CPSF6: variants seen among roughly 807,000 people sequenced by gnomAD.
CPSF6 encodes the protein cleavage and polyadenylation specific factor 6.
CPSF6 carries 10 observed loss-of-function variants against 56.7 expected under a neutral mutation model. That is an observed-to-expected ratio of 0.18 (90% CI 0.11 to 0.30). CPSF6 has a LOEUF of 0.30. Ranked by LOEUF, CPSF6 falls within the 10% of genes least tolerant of loss-of-function variation. CPSF6 has a pLI of 1.00. For synonymous variants in CPSF6, 248 were observed against 244.8 expected (o/e 1.01, Z -0.12); for missense variants, 419 against 722.9 (o/e 0.58, Z 4.82).
chr12:69,239,733 C>T (rs373284924), intron 1 of CPSF6, 27 bp downstream of exon 1: 30 of 1,563,750 alleles, frequency 1.9e-5, no homozygotes, highest in Non-Finnish European at 2.6e-5. Flanking sequence ...GTCCCCGCCG[C>T]CGACGCGGGC....
chr12:69,255,354 A>G (rs1872457416), intron 3 of CPSF6, among the ~76,000 whole-genome samples: 1 of 152,034 alleles, frequency 6.6e-6, no homozygotes. Context: ...TTGTGTACCC[A>G]TTTTGTGTGA....
chr12:69,256,277 A>G (rs1004374453), intron 3 of CPSF6, among the ~76,000 whole-genome samples: 2 of 152,164 alleles, frequency 1.3e-5, no homozygotes, highest in African/African-American at 4.8e-5. Context: ...GGGGTGATGA[A>G]AATGTTTTAA....
At chr12:69,256,659 T>G in intron 3 of CPSF6, 38 bp from the exon 4 acceptor site, 1 of 1,573,024 alleles carries the variant, frequency 6.4e-7, no homozygotes, top group Non-Finnish European at 8.6e-7. Flanking sequence ...TATTGATCTC[T>G]TTTTACTTTG....
At chr12:69,250,759 G>T (rs1442857835) in intron 1 of CPSF6, among the ~76,000 whole-genome samples, 3 of 151,818 alleles carry the variant, frequency 2.0e-5, no homozygotes, top group African/African-American at 7.3e-5. Context: ...CGATTCTCCT[G>T]CCTCAGCCTC....
Position 69,258,752 on chromosome 12 carries a change from A to G in CPSF6, c.857A>G (p.Gln286Arg). 6.2e-7 allele frequency: 1 copy of G among 1,613,906 alleles called. No individual in the cohort carries two copies. Among genetic ancestry groups the G allele is most frequent in the Non-Finnish European group, 8.5e-7 (1 of 1,179,968 alleles). The change falls in exon 6 of 10, where the codon CAG becomes CGG. Residue 286 changes from glutamine (Q) to arginine (R), a missense_variant. By Grantham distance (43) the Gln-to-Arg change is conservative. This residue lies in a region of CPSF6 where 211 missense variants were observed against 296.0 expected (regional missense o/e 0.71). Coordinates refer to ENST00000435070, the MANE Select transcript of CPSF6 (RefSeq NM_007007.3). The surrounding 1 kb of genome is among the most constrained non-coding windows in gnomAD (Gnocchi z 4.2). ...CTTTTTCCTGGACAACCTTTTGGGC[A>G]GCCTCCATTGGGTCCACTTCCTCCT... ...PVLFPGQPFG[Q>R]PPLGPLPPGP... is the part of the protein sequence containing the mutation.
rs577329610 is a variant in CPSF6 at position 69,254,176 on chromosome 12, G to C, written c.374+1022G>C. ...CCTACAGTCTGTACTCCACATAACA[G>C]AAGTTCTAAAAAAAAAATGACATTC... On this transcript the variant is annotated intron_variant, in intron 3 of 9. Coordinates refer to ENST00000435070, the MANE Select transcript of CPSF6 (RefSeq NM_007007.3). 8.1e-3 allele frequency among the ~76,000 whole-genome samples: 899 copies of C among 110,996 alleles called. 2 individuals are homozygous for C. Among genetic ancestry groups the C allele is most frequent in the South Asian group, 0.025 (91 of 3,648 alleles). 72.8% of individuals were successfully genotyped at this position (110,996 alleles called of 152,430 possible). A position where few individuals can be genotyped will look rare whatever the true frequency, so the allele number is the denominator to read the frequency against.
chr12:69,243,754 A>G (rs963850502), intron 1 of CPSF6, among the ~76,000 whole-genome samples: 1 of 152,144 alleles, frequency 6.6e-6, no homozygotes, highest in Non-Finnish European at 1.5e-5. Context: ...ATGCTGCTGT[A>G]GACTTCATAA....
At position 69,251,441 on chromosome 12, in the gene CPSF6, G is replaced by T. The variant is rs573808651; in HGVS notation, c.270+103G>T. 5.0e-4 allele frequency: 385 copies of T among 766,384 alleles called. 2 individuals are homozygous for T. Among genetic ancestry groups the T allele is most frequent in the South Asian group, 3.8e-3 (182 of 48,384 alleles). The allele number at this position is 766,384 out of a possible 1,614,324, so 47.5% of individuals were successfully genotyped here. A position where few individuals can be genotyped will look rare whatever the true frequency, so the allele number is the denominator to read the frequency against. ...ATTTTTATAAGTTTGAAGTTACTGTGTTTTTCTATATGTGTTTGCTTGTCC... is the reference window on the plus strand; with the variant it reads ...ATTTTTATAAGTTTGAAGTTACTGTTTTTTTCTATATGTGTTTGCTTGTCC... On this transcript the variant is annotated intron_variant, in intron 2 of 9. Transcript: ENST00000435070.
intron 8 of CPSF6, among the ~76,000 whole-genome samples, chr12:69,261,775 A>G (rs1327510669): frequency 6.6e-6 from 1 of 152,212 alleles, no homozygotes; most frequent in Non-Finnish European, 1.5e-5. Flanking sequence ...AAAAAATCGC[A>G]GTTCATGAAA....
At chr12:69,262,837 A>G (rs1268925523) in intron 9 of CPSF6, among the ~76,000 whole-genome samples, 1 of 152,232 alleles carries the variant, frequency 6.6e-6, no homozygotes, top group East Asian at 1.9e-4. Context: ...AAGAGGACTC[A>G]TTGTGTACTT....
At position 69,248,282 on chromosome 12, in the gene CPSF6, A is replaced by G. The variant is rs1037965291; in HGVS notation, c.61-2847A>G. Reference sequence around the variant, plus strand: ...TTTATGTAAGTGAAAGTGTAAATTTAAAAATACATTTAGTCCTGCTGTTAA... The same window carrying G: ...TTTATGTAAGTGAAAGTGTAAATTTGAAAATACATTTAGTCCTGCTGTTAA... On this transcript the variant is annotated intron_variant, in intron 1 of 9. Transcript: ENST00000435070. 2.0e-5 allele frequency among the ~76,000 whole-genome samples: 3 copies of G among 152,222 alleles called. No individual in the cohort carries two copies. In the South Asian group the frequency reaches 6.2e-4, roughly 31 times the overall value.
intron 1 of CPSF6, among the ~76,000 whole-genome samples, chr12:69,250,439 T>C (rs1401661486): frequency 6.6e-6 from 1 of 151,626 alleles, no homozygotes; most frequent in African/African-American, 2.4e-5. Flanking sequence ...TTATAATAAA[T>C]ATCAGTGGAA....
At chr12:69,243,667 G>A (rs955390275) in intron 1 of CPSF6, among the ~76,000 whole-genome samples, 2 of 152,144 alleles carry the variant, frequency 1.3e-5, no homozygotes, top group African/African-American at 4.8e-5. Context: ...GGGCACTCAT[G>A]AAAGGAACCT....
At position 69,259,061 on chromosome 12, in the gene CPSF6, C is replaced by G; in HGVS notation, c.1166C>G (p.Pro389Arg). 6.2e-7 allele frequency: 1 copy of G among 1,603,360 alleles called. No individual in the cohort carries two copies. The highest frequency in any genetic ancestry group is 8.5e-7 in the Non-Finnish European group (1 of 1,179,886). Residue 389 changes from proline to arginine, a missense_variant, in exon 6 of 10, where the codon CCA becomes CGA. Pro to Arg is a moderately radical substitution (Grantham distance 103). Transcript: ENST00000435070. Reference sequence around the variant, plus strand: ...ACAGATCCATATGGGCGACCTCCACCATATGATAGGGGTGACTATGGCCCC... The same window carrying G: ...ACAGATCCATATGGGCGACCTCCACGATATGATAGGGGTGACTATGGCCCC... ...PPTDPYGRPP[P>R]YDRGDYGPPG...
At chr12:69,240,371 A>G (rs1871549920) in intron 1 of CPSF6, among the ~76,000 whole-genome samples, 1 of 152,082 alleles carries the variant, frequency 6.6e-6, no homozygotes, top group Non-Finnish European at 1.5e-5. Flanking sequence ...CTCATTTGCA[A>G]CAAGTCCTTT....
chr12:69,251,249 G>C lies in CPSF6; in HGVS notation c.181G>C (p.Gly61Arg). The C allele has an allele frequency of 2.5e-6, 4 of 1,613,010 alleles. No individual in the cohort carries two copies. The highest frequency in any genetic ancestry group is 3.4e-6 in the Non-Finnish European group (4 of 1,179,840). Reference sequence around the variant, plus strand: ...CATGGATACTCTCCCACCAACTGTTGGTGATGATGTGGGTAAAGGAGCAGC... The same window carrying C: ...CATGGATACTCTCCCACCAACTGTTCGTGATGATGTGGGTAAAGGAGCAGC... ...DYMDTLPPTV[G>R]DDVGKGAAPN... is the part of the protein sequence containing the mutation. The change falls in exon 2 of 10, where the codon GGT becomes CGT. Residue 61 changes from glycine (G) to arginine (R), a missense_variant. Physicochemically the swap from Gly to Arg is moderately radical, Grantham distance 125. Around this residue, in one of 4 missense-constraint regions of CPSF6, gnomAD observed 125 missense variants for 216.4 expected, o/e 0.58. Transcript: ENST00000435070.
At chr12:69,268,851 T>C (rs1211872494) in intron 9 of CPSF6, among the ~76,000 whole-genome samples, 1 of 151,804 alleles carries the variant, frequency 6.6e-6, no homozygotes, top group Non-Finnish European at 1.5e-5. Flanking sequence ...AATACTACGT[T>C]AGGTATTTCT....
Position 69,273,662 on chromosome 12 carries a change from AATT to A in CPSF6, c.*4158_*4160del, listed in dbSNP as rs1873361466. The A allele has an allele frequency of 6.6e-6, 1 of 151,920 alleles. No homozygotes were observed. The highest frequency in any genetic ancestry group is 2.1e-4 in the South Asian group (1 of 4,834). The allele number at this position is 151,920 out of a possible 1,614,324, so 9.4% of individuals were successfully genotyped here. A position where few individuals can be genotyped will look rare whatever the true frequency, so the allele number is the denominator to read the frequency against. On this transcript the variant is annotated 3_prime_UTR_variant, in exon 10 of 10. Transcript: ENST00000435070. ...ACACTTCTCAACATTCTGTAAGTTA[AATT>A]ATTTTAAAATAACTATGGTGAATTC... is the stretch of plus-strand genomic sequence containing the variant.
rs539241327 is a variant in CPSF6 at position 69,258,046 on chromosome 12, A to G, written c.694+141A>G. On this transcript the variant is annotated intron_variant, in intron 5 of 9. Transcript: ENST00000435070. This position sits in a 1 kb window ranked among gnomAD's most constrained non-coding sequence, Gnocchi z 4.2. ...TTTTTGGAATCCAGGAAATTTGATC[A>G]AGCATCTTGTTAAAGGAACTCGGCC... 2.6e-5 allele frequency: 40 copies of G among 1,540,282 alleles called. No individual in the cohort carries two copies. The Admixed American group carries it at 6.3e-4, about 24-fold the overall frequency.
Sources: gnomAD v4.1 joint callset for allele counts (sites outside exome capture counted in the v4.1 genomes callset) on GRCh38, gnomAD v4.1.1 for gene constraint, gnomAD v4.1.1 regional missense constraint, Gnocchi (gnomAD v3.1) non-coding constraint, MANE v1.5 for transcripts, NCBI Gene and HGNC (gene_info 2026-07-23, HGNC 2026-07-21) for gene names.